Variants in ZNF354B observed in about 807,000 individuals in gnomAD.
The protein encoded by ZNF354B is zinc finger protein 354B.
Under a neutral mutation model 12.9 loss-of-function variants are expected in ZNF354B, and 10 were observed. The observed-to-expected ratio is 0.77, with a 90% CI of 0.48 to 1.31. The LOEUF is 1.31. ZNF354B is among the 40% of genes most tolerant of loss of function. The pLI, the probability that ZNF354B is intolerant of heterozygous loss-of-function variation, is 0.00. For missense variants in ZNF354B, 614 were observed against 711.7 expected, an observed-to-expected ratio of 0.86 and a Z score of 1.56; for synonymous variants, 260 against 243.7, an observed-to-expected ratio of 1.07 and a Z score of -0.62.
chr5:178,878,881 AG>A (rs1757678672), intron 4 of ZNF354B, among the ~76,000 whole-genome samples: 1 of 151,888 alleles, frequency 6.6e-6, no homozygotes, highest in Non-Finnish European at 1.5e-5. Flanking sequence ...TTGTGTATTT[AG>A]TAGAGACGGG....
chr5:178,861,208 C>A, intron 2 of ZNF354B, 128 bp downstream of exon 2: 1 of 1,137,400 alleles, frequency 8.8e-7, no homozygotes, highest in Non-Finnish European at 1.3e-6. Flanking sequence ...GGTCCGCCCT[C>A]ATGACTGGTG....
chr5:178,869,715 C>T (rs143104159), intron 4 of ZNF354B, among the ~76,000 whole-genome samples: 1 of 152,100 alleles, frequency 6.6e-6, no homozygotes, highest in East Asian at 1.9e-4. Flanking sequence ...GAGGATGGCC[C>T]TGCGGGAAAA....
intron 2 of ZNF354B, among the ~76,000 whole-genome samples, 174 bp downstream of exon 2, chr5:178,861,254 G>A (rs1241195326): frequency 1.8e-5 from 2 of 108,962 alleles, no homozygotes; most frequent in East Asian, 3.0e-4. Flanking sequence ...CTCCCCACCC[G>A]TGTCTAGTGG....
intron 4 of ZNF354B, among the ~76,000 whole-genome samples, chr5:178,873,361 T>C (rs1350459888): frequency 6.6e-6 from 1 of 152,234 alleles, no homozygotes; most frequent in Non-Finnish European, 1.5e-5. Flanking sequence ...ATGTAAGAAT[T>C]CTGCCTGTAC....
At chr5:178,867,486 G>C (rs1235221128) in intron 4 of ZNF354B, among the ~76,000 whole-genome samples, 1 of 152,216 alleles carries the variant, frequency 6.6e-6, no homozygotes, top group African/African-American at 2.4e-5. Context: ...GTCCCATGGA[G>C]CACTGGAAAT....
intron 4 of ZNF354B, among the ~76,000 whole-genome samples, chr5:178,879,334 G>T (rs116267769): frequency 1.3e-5 from 2 of 151,860 alleles, no homozygotes; most frequent in Non-Finnish European, 2.9e-5. Context: ...GACGGGAGCC[G>T]CTGTGCCCAG....
At position 178,883,742 on chromosome 5, in the gene ZNF354B, A is replaced by C. The variant is rs775389840; in HGVS notation, c.1290A>C (p.Ile430=). Reference sequence around the variant, plus strand: ...TTTCACGACTTAATAGACACCGAATAATTCATACTGGAGAGAAATTGTATA... The same window carrying C: ...TTTCACGACTTAATAGACACCGAATCATTCATACTGGAGAGAAATTGTATA... ...TSISRLNRHR[I]IHTGEKLYNC... is the part of the protein sequence containing the mutation. Residue 430 remains isoleucine (I), a synonymous_variant, in exon 5 of 5, where the codon ATA becomes ATC. Coordinates refer to ENST00000322434, the MANE Select transcript of ZNF354B (RefSeq NM_058230.3). 3.4e-4 allele frequency: 554 copies of C among 1,614,086 alleles called. 1 individual carries two copies. Among genetic ancestry groups the C allele is most frequent in the Non-Finnish European group, 4.2e-4 (494 of 1,179,950 alleles).
At chr5:178,866,167 A>G in intron 2 of ZNF354B, 77 bp from the exon 3 acceptor site, 1 of 1,571,126 alleles carries the variant, frequency 6.4e-7, no homozygotes, top group African/African-American at 1.4e-5. Flanking sequence ...TTTCACGGGT[A>G]GCGTGTCTTC....
At position 178,867,055 on chromosome 5, in the gene ZNF354B, T is replaced by C; in HGVS notation, c.240T>C (p.Ser80=). The C allele has an allele frequency of 6.2e-7, 1 of 1,613,430 alleles. No homozygotes were observed. ...CCTGGGAGGTGGAGAAAGACAGTTC[T>C]GGTGTCTCCTCTCTAGGTAAGTGGG... ...EDPWEVEKDS[S]GVSSLGCKST... Residue 80 remains serine (S), a synonymous_variant, in exon 4 of 5, where the codon TCT becomes TCC. Coordinates refer to ENST00000322434, the MANE Select transcript of ZNF354B (RefSeq NM_058230.3).
intron 2 of ZNF354B, among the ~76,000 whole-genome samples, chr5:178,864,983 T>C (rs1415197021): frequency 1.3e-5 from 2 of 152,184 alleles, no homozygotes; most frequent in Non-Finnish European, 1.5e-5. Flanking sequence ...GCTTTGTACT[T>C]AACATTTTCA....
rs1247628358 is a variant in ZNF354B, at chr5:178,884,115, T to C, written c.1663T>C (p.Cys555Arg). The C allele has an allele frequency of 6.2e-6, 10 of 1,613,972 alleles. No individual in the cohort carries two copies. The highest frequency in any genetic ancestry group is 2.2e-5 in the East Asian group (1 of 44,876). Residue 555 changes from cysteine to arginine, a missense_variant, in exon 5 of 5, where the codon TGT becomes CGT. Cys to Arg is a radical substitution (Grantham distance 180). Transcript: ENST00000322434. ...AGAAAAACCCTTTAAATGTAATACA[T>C]GTGGAAAAACTTTTAGACAAAGCTC... Reference protein sequence around the residue: ...TGEKPFKCNTCGKTFRQSSSL... With the variant: ...TGEKPFKCNTRGKTFRQSSSL...
intron 4 of ZNF354B, among the ~76,000 whole-genome samples, chr5:178,876,490 G>A (rs910040081): frequency 6.6e-6 from 1 of 152,242 alleles, no homozygotes; most frequent in Non-Finnish European, 1.5e-5. Flanking sequence ...CAGGGCTGGT[G>A]TGACCATGCG....
intron 4 of ZNF354B, among the ~76,000 whole-genome samples, chr5:178,873,275 G>A (rs1452876486): frequency 6.6e-6 from 1 of 152,094 alleles, no homozygotes; most frequent in Non-Finnish European, 1.5e-5. Context: ...TGGTTCTTTT[G>A]AAGAACACAA....
In ZNF354B at chr5:178,862,362, C is replaced by CTT. The variant is rs769224561; in HGVS notation, c.33+1303_33+1304dup. On this transcript the variant is annotated intron_variant, in intron 2 of 4. Transcript: ENST00000322434. ...GAGTGCTTCTGCAGCGTGGCATTAT[C>CTT]TTTTTTTTTTTTTTTTTTTTTTGAG... Among the ~76,000 whole-genome samples, 262 of 105,548 alleles carry CTT rather than the reference C, an allele frequency of 2.5e-3. 5 individuals carry two copies. Among genetic ancestry groups the CTT allele is most frequent in the Middle Eastern group, 5.5e-3 (1 of 182 alleles). The allele number at this position is 105,548 out of a possible 152,430, so 69.2% of individuals were successfully genotyped here.
chr5:178,880,751 A>G (rs1757704702), intron 4 of ZNF354B, among the ~76,000 whole-genome samples: 1 of 151,072 alleles, frequency 6.6e-6, no homozygotes, highest in South Asian at 2.1e-4. Context: ...TGGCCTCCCA[A>G]ATTGCTGAGA....
At chr5:178,868,273 A>G (rs1757495525) in intron 4 of ZNF354B, among the ~76,000 whole-genome samples, 1 of 149,522 alleles carries the variant, frequency 6.7e-6, no homozygotes, top group Non-Finnish European at 1.5e-5. Flanking sequence ...CCCGAATTTC[A>G]GGAAACAGCA....
At chr5:178,871,319 G>T (rs1367122428) in intron 4 of ZNF354B, among the ~76,000 whole-genome samples, 4 of 152,124 alleles carry the variant, frequency 2.6e-5, no homozygotes, top group Non-Finnish European at 4.4e-5. Context: ...CAGGGCCTCT[G>T]CCCTGCTTTT....
At chr5:178,862,161 C>T (rs922405411) in intron 2 of ZNF354B, among the ~76,000 whole-genome samples, 1 of 152,002 alleles carries the variant, frequency 6.6e-6, no homozygotes, top group Non-Finnish European at 1.5e-5. Context: ...TTCTCTCACT[C>T]GCACAGTAGC....
At chr5:178,880,007 T>G (rs1018596196) in intron 4 of ZNF354B, among the ~76,000 whole-genome samples, 2 of 151,896 alleles carry the variant, frequency 1.3e-5, no homozygotes, top group African/African-American at 4.8e-5. Context: ...GTGCCTGTAG[T>G]CCCAGCTACT....
Sources: gnomAD v4.1 joint callset for allele counts (sites outside exome capture counted in the v4.1 genomes callset) on GRCh38, gnomAD v4.1.1 for gene constraint, MANE v1.5 for transcripts, NCBI Gene and HGNC (gene_info 2026-07-23, HGNC 2026-07-21) for gene names.